The following SYNJ1 variants were observed in gnomAD, a reference collection of about 807,000 sequenced individuals.
SYNJ1 encodes polyphosphatidylinositol phosphatase SYNJ1.
A neutral mutation model predicts 168.2 loss-of-function variants in SYNJ1; 78 were observed. That is an observed-to-expected ratio of 0.46 (90% CI 0.39 to 0.56). The LOEUF is 0.56. Ranked by LOEUF, SYNJ1 falls within the 20% of genes least tolerant of loss-of-function variation. The pLI is 0.00. For synonymous variants in SYNJ1, 539 were observed against 548.6 expected, an observed-to-expected ratio of 0.98 and a Z score of 0.24; for missense variants, 1,303 against 1,597.6, an observed-to-expected ratio of 0.82 and a Z score of 3.14.
At chr21:32,718,081 T>C in intron 2 of SYNJ1, among the ~76,000 whole-genome samples, 1 of 152,246 alleles carries the variant, frequency 6.6e-6, no homozygotes, top group East Asian at 1.9e-4. Context: ...AGGGTAAATC[T>C]AGTTCCTGTT....
At chr21:32,719,713 TAAA>T (rs971478588) in intron 2 of SYNJ1, among the ~76,000 whole-genome samples, 3 of 129,930 alleles carry the variant, frequency 2.3e-5, no homozygotes, top group Admixed American at 7.8e-5. Flanking sequence ...AACTCCATCT[TAAA>T]AAAAAAAAAA....
In SYNJ1 at chr21:32,631,548, C is replaced by T. The variant is rs112469776; in HGVS notation, c.*257G>A. On this transcript the variant is annotated 3_prime_UTR_variant, in exon 33 of 33. Transcript: ENST00000674351. ...AGTAATAAATGGGTTTGGAGAACTT[C>T]GCATATTTTCCTGGGATTGACTCCG... 21 of 1,613,940 alleles carry T rather than the reference C, an allele frequency of 1.3e-5. No homozygotes were observed. Among genetic ancestry groups the T allele is most frequent in the Middle Eastern group, 1.6e-4 (1 of 6,084 alleles).
intron 23 of SYNJ1, among the ~76,000 whole-genome samples, chr21:32,647,035 G>GCTC (rs147355767): frequency 1.5e-3 from 226 of 152,182 alleles, no homozygotes; most frequent in African/African-American, 4.8e-3. Flanking sequence ...CCCCCAGAAG[G>GCTC]CTCCTCCCTG....
rs143938436 is a variant in SYNJ1 at position 32,665,460 on chromosome 21, T to A, written c.2146-389A>T. On this transcript the variant is annotated intron_variant, in intron 17 of 32. Transcript: ENST00000674351. Reference sequence around the variant, plus strand: ...TGACTGCTTCCTCTGCCCTATTGTTTATGCAAAAATGCAGATTCACTGAGC... The same window carrying A: ...TGACTGCTTCCTCTGCCCTATTGTTAATGCAAAAATGCAGATTCACTGAGC... Among the ~76,000 whole-genome samples the A allele has an allele frequency of 2.7e-4, 41 of 152,352 alleles. 1 individual carries two copies. Among genetic ancestry groups the A allele is most frequent in the African/African-American group, 8.9e-4 (37 of 41,588 alleles).
At chr21:32,688,471 C>A in intron 6 of SYNJ1, 104 bp from the exon 7 acceptor site, 1 of 882,596 alleles carries the variant, frequency 1.1e-6, no homozygotes, top group South Asian at 2.0e-5. Flanking sequence ...AACACACAGT[C>A]GTTAATCAAA....
chr21:32,681,181 AAAAAGT>A (rs972548673), intron 11 of SYNJ1, among the ~76,000 whole-genome samples: 14 of 152,224 alleles, frequency 9.2e-5, no homozygotes, highest in African/African-American at 3.4e-4. Context: ...CAAACAATAC[AAAAAGT>A]AAAACAGATA....
intron 25 of SYNJ1, among the ~76,000 whole-genome samples, chr21:32,645,444 A>G (rs904625321): frequency 2.0e-5 from 3 of 152,202 alleles, no homozygotes; most frequent in Non-Finnish European, 4.4e-5. Flanking sequence ...CAGCTGTGAA[A>G]ACACCTTAGA....
upstream of SYNJ1, chr21:32,728,155 C>T (rs1194218475): frequency 4.6e-6 from 6 of 1,290,946 alleles, no homozygotes; most frequent in Admixed American, 1.2e-4. Context: ...CGCGGGCGGC[C>T]CCAGCCTCAG....
rs1209852617 is a variant in SYNJ1 at position 32,645,676 on chromosome 21, C to A, written c.3361G>T (p.Ala1121Ser). ...GGCGGAGGAGGTCTCTGTGGGGGAG[C>A]CGGGCGTGTGGGAGGGGCGACCGGG... ...PRPVAPPTRPAPPQRPPPPSG... is the reference protein window; with the variant it reads ...PRPVAPPTRPSPPQRPPPPSG... Residue 1121 changes from alanine to serine, a missense_variant, in exon 25 of 33, where the codon GCT (alanine) becomes TCT (serine). Ala to Ser is a moderately conservative substitution (Grantham distance 99). Around this residue, in one of 2 missense-constraint regions of SYNJ1, gnomAD observed 383 missense variants for 388.8 expected, o/e 0.99. Coordinates refer to ENST00000674351, the MANE Select transcript of SYNJ1 (RefSeq NM_203446.3). 1 of 1,516,794 alleles carries A rather than the reference C, an allele frequency of 6.6e-7. No homozygotes were observed. Among genetic ancestry groups the A allele is most frequent in the Non-Finnish European group, 8.8e-7 (1 of 1,137,738 alleles). 94.0% of individuals were successfully genotyped at this position (1,516,794 alleles called of 1,614,324 possible).
At position 32,641,896 on chromosome 21, in the gene SYNJ1, C is replaced by T. The variant is rs1160685381; in HGVS notation, c.3588G>A (p.Pro1196=). 1.2e-6 allele frequency: 2 copies of T among 1,608,546 alleles called. No individual in the cohort carries two copies. Among genetic ancestry groups the T allele is most frequent in the Non-Finnish European group, 1.7e-6 (2 of 1,177,228 alleles). The change falls in exon 29 of 33, where the codon CCG becomes CCA. Residue 1196 remains proline, a splice_region_variant and synonymous_variant. Transcript: ENST00000674351. Reference sequence around the variant, plus strand: ...TGGCCCCAGGCGAGGTTTTACCTACCGGTCTGGCTGTACTGTATCCAGCAG... The same window carrying T: ...TGGCCCCAGGCGAGGTTTTACCTACTGGTCTGGCTGTACTGTATCCAGCAG... ...PGPAGYSTAR[P]TIPPRAGVIS...
At chr21:32,696,689 A>G (rs1026335740) in intron 4 of SYNJ1, among the ~76,000 whole-genome samples, 2 of 152,128 alleles carry the variant, frequency 1.3e-5, no homozygotes, top group African/African-American at 4.8e-5. Context: ...AAGATGTAAT[A>G]GCATTATCTT....
At chr21:32,646,290 G>A (rs2145781065) in intron 24 of SYNJ1, 103 bp downstream of exon 24, 1 of 1,154,210 alleles carries the variant, frequency 8.7e-7, no homozygotes, top group East Asian at 2.4e-5. Flanking sequence ...GGAGAAAACA[G>A]GGTGCACTTT....
chr21:32,652,995 C>T (rs2040329641), intron 22 of SYNJ1, among the ~76,000 whole-genome samples: 1 of 152,182 alleles, frequency 6.6e-6, no homozygotes, highest in Non-Finnish European at 1.5e-5. Flanking sequence ...AGACTACCCC[C>T]AATTAAAACT....
chr21:32,689,647 AT>A (rs2041953684), intron 6 of SYNJ1, among the ~76,000 whole-genome samples: 1 of 152,260 alleles, frequency 6.6e-6, no homozygotes, highest in Non-Finnish European at 1.5e-5. Flanking sequence ...CAGTCATGTA[AT>A]TGGACAAGTA....
In SYNJ1 at chr21:32,684,108, C is replaced by T; in HGVS notation, c.1130G>A (p.Gly377Asp). 1 of 1,613,466 alleles carries T rather than the reference C, an allele frequency of 6.2e-7. No homozygotes were observed. The highest frequency in any genetic ancestry group is 1.7e-5 in the Admixed American group (1 of 60,022). Reference sequence around the variant, plus strand: ...ATCCAAGCAGTTTGTTCGAACTGTACCACTCTGGCATCTGTAACCAATAAA... The same window carrying T: ...ATCCAAGCAGTTTGTTCGAACTGTATCACTCTGGCATCTGTAACCAATAAA... ...NGSEVQRCQS[G>D]TVRTNCLDCL... is the part of the protein sequence containing the mutation. Residue 377 changes from glycine (G) to aspartate (D), a missense_variant, in exon 10 of 33, where the codon GGT becomes GAT. Physicochemically the swap from Gly to Asp is moderately conservative, Grantham distance 94. Around this residue, in one of 2 missense-constraint regions of SYNJ1, gnomAD observed 920 missense variants for 1,208.8 expected, o/e 0.76. Transcript: ENST00000674351.
chr21:32,685,271 T>C (rs1208877701), intron 9 of SYNJ1, among the ~76,000 whole-genome samples: 2 of 151,112 alleles, frequency 1.3e-5, no homozygotes, highest in Admixed American at 1.3e-4. Context: ...TGGTGAATTC[T>C]AAAGAAAGAA....
Position 32,666,106 on chromosome 21 carries a change from C to G in SYNJ1, c.1982G>C (p.Gly661Ala). Reference sequence around the variant, plus strand: ...CTTATTTCCAGTTGCACCTCCCATTCCAGTCTTCACAGTATCAACTGCAAC... The same window carrying G: ...CTTATTTCCAGTTGCACCTCCCATTGCAGTCTTCACAGTATCAACTGCAAC... ...RDVAVDTVKT[G>A]MGGATGNKGA... Residue 661 changes from glycine (G) to alanine (A), a missense_variant, in exon 17 of 33, where the codon GGA becomes GCA. By Grantham distance (60) the Gly-to-Ala change is moderately conservative (BLOSUM62 0). Coordinates refer to ENST00000674351, the MANE Select transcript of SYNJ1 (RefSeq NM_203446.3). 2 of 1,609,908 alleles carry G rather than the reference C, an allele frequency of 1.2e-6. No homozygotes were observed. Among genetic ancestry groups the G allele is most frequent in the Non-Finnish European group, 1.7e-6 (2 of 1,178,658 alleles).
chr21:32,691,902 A>C (rs2042039484), intron 6 of SYNJ1, among the ~76,000 whole-genome samples: 1 of 152,216 alleles, frequency 6.6e-6, no homozygotes, highest in South Asian at 2.1e-4. Flanking sequence ...GAAGTAGAGG[A>C]TTCCTGCTAG....
intron 2 of SYNJ1, among the ~76,000 whole-genome samples, chr21:32,703,744 T>A (rs1470343840): frequency 6.6e-6 from 1 of 151,926 alleles, no homozygotes; most frequent in Non-Finnish European, 1.5e-5. Context: ...TTTATTTTTT[T>A]TTTTTGAGAC....
Sources: gnomAD v4.1 joint callset for allele counts (sites outside exome capture counted in the v4.1 genomes callset) on GRCh38, gnomAD v4.1.1 for gene constraint, gnomAD v4.1.1 regional missense constraint, MANE v1.5 for transcripts, NCBI Gene and HGNC (gene_info 2026-07-23, HGNC 2026-07-21) for gene names.